Variants in RALB observed in about 807,000 individuals in gnomAD.
RALB encodes the protein RAS like proto-oncogene B, also known as ras-related protein Ral-B.
RALB carries 16 observed loss-of-function variants against 21.3 expected under a neutral mutation model. The observed-to-expected ratio is 0.75, with a 90% CI of 0.51 to 1.14. The LOEUF (loss-of-function observed/expected upper bound fraction) is 1.14, where lower values mean the gene tolerates loss of function less well. Among genes scored for constraint, RALB ranks in the 50% most tolerant of loss-of-function variants. The pLI, the probability that RALB is intolerant of heterozygous loss-of-function variation, is 0.00. For synonymous variants in RALB, 93 were observed against 96.1 expected, an observed-to-expected ratio of 0.97 and a Z score of 0.19; for missense variants, 161 against 256.2, an observed-to-expected ratio of 0.63 and a Z score of 2.54.
rs112006071 is a variant in RALB at position 120,268,401 on chromosome 2, A to T, written c.-47-10217A>T. Among the ~76,000 whole-genome samples the T allele has an allele frequency of 1.2e-4, 19 of 152,342 alleles. 1 individual carries two copies. The highest frequency in any genetic ancestry group is 4.3e-4 in the African/African-American group (18 of 41,578). ...TTTGTGGTATAAATTAATTTACCTT[A>T]CGTTTGTTTTTAGTGGAAATTTTCA... On this transcript the variant is annotated intron_variant, in intron 1 of 4. Coordinates refer to ENST00000272519, the MANE Select transcript of RALB (RefSeq NM_002881.3).
In RALB at chr2:120,293,246, T is replaced by G; in HGVS notation, c.607T>G (p.Cys203Gly). 6.2e-7 allele frequency: 1 copy of G among 1,612,910 alleles called. No homozygotes were observed. Among genetic ancestry groups the G allele is most frequent in the Non-Finnish European group, 8.5e-7 (1 of 1,179,324 alleles). The stretch of plus-strand genomic sequence containing the variant: ...GAACAAGAAAAGTTTTAAAGAAAGA[T>G]GTTGCTTACTATGAGTGTCAAGGTG... ...SKNKKSFKER[C>G]CLL The change falls in exon 5 of 5, where the codon TGT becomes GGT. Residue 203 changes from cysteine (C) to glycine (G), a missense_variant. Coordinates refer to ENST00000272519, the MANE Select transcript of RALB (RefSeq NM_002881.3).
At chr2:120,271,859 T>C (rs762853852) in intron 1 of RALB, among the ~76,000 whole-genome samples, 22 of 152,240 alleles carry the variant, frequency 1.4e-4, no homozygotes, top group Non-Finnish European at 2.8e-4. Context: ...TAGAAGTCTT[T>C]CATTGGGAAG....
intron 3 of RALB, among the ~76,000 whole-genome samples, chr2:120,289,090 G>C (rs1442988087): frequency 6.6e-6 from 1 of 152,132 alleles, no homozygotes; most frequent in Non-Finnish European, 1.5e-5. Context: ...TTGGTTTTGT[G>C]ATCCACTAAT....
chr2:120,241,854 A>G (rs904521541), intron 1 of RALB, among the ~76,000 whole-genome samples: 1 of 152,244 alleles, frequency 6.6e-6, no homozygotes, highest in Non-Finnish European at 1.5e-5. Context: ...ATGGAAAACA[A>G]TATGATGGTT....
Position 120,289,610 on chromosome 2 carries a change from A to C in RALB, c.354A>C (p.Glu118Asp), listed in dbSNP as rs1175533821. 6.2e-7 allele frequency: 1 copy of C among 1,614,158 alleles called. No individual in the cohort carries two copies. ...AGATTCTCCGTGTGAAGGCTGAAGA[A>C]GATAAAATTCCACTGCTCGTCGTGG... ...REQILRVKAE[E>D]DKIPLLVVGN... is the part of the protein sequence containing the mutation. Residue 118 changes from glutamate (E) to aspartate (D), a missense_variant, in exon 4 of 5, where the codon GAA becomes GAC. Coordinates refer to ENST00000272519, the MANE Select transcript of RALB (RefSeq NM_002881.3).
intron 1 of RALB, among the ~76,000 whole-genome samples, chr2:120,256,662 A>G (rs1297104334): frequency 1.3e-5 from 2 of 152,222 alleles, no homozygotes; most frequent in African/African-American, 4.8e-5. Context: ...CTGTGAGTCA[A>G]TTAAACCCCT....
chr2:120,250,868 C>T (rs1313215467), upstream of RALB, among the ~76,000 whole-genome samples: 1 of 152,202 alleles, frequency 6.6e-6, no homozygotes, highest in African/African-American at 2.4e-5. Context: ...CCTGCCACTC[C>T]TCTCTGAATA....
chr2:120,249,057 C>T (rs147445321), upstream of RALB, among the ~76,000 whole-genome samples: 6,627 of 142,634 alleles, frequency 0.046, 529 homozygotes, highest in African/African-American at 0.16. Flanking sequence ...TTTTTTAAGA[C>T]GGAGTCTTGC....
chr2:120,244,885 C>CTTCA (rs1422718793), intron 1 of RALB, among the ~76,000 whole-genome samples: 4 of 152,226 alleles, frequency 2.6e-5, no homozygotes, highest in Non-Finnish European at 5.9e-5. Context: ...CTGGAAGTAG[C>CTTCA]TTCAGGCTGT....
chr2:120,244,064 C>T (rs1226969736), intron 1 of RALB, among the ~76,000 whole-genome samples: 1 of 152,166 alleles, frequency 6.6e-6, no homozygotes, highest in African/African-American at 2.4e-5. Flanking sequence ...GAAGCAGGCA[C>T]ATCTTCACAT....
At chr2:120,240,885 C>T (rs1051096435) in intron 1 of RALB, among the ~76,000 whole-genome samples, 5 of 152,182 alleles carry the variant, frequency 3.3e-5, no homozygotes, top group East Asian at 1.9e-4. Context: ...TTTCAGGCTG[C>T]CACATACTCA....
chr2:120,241,137 C>T (rs1274684457), intron 1 of RALB, among the ~76,000 whole-genome samples: 6 of 152,200 alleles, frequency 3.9e-5, no homozygotes, highest in South Asian at 2.1e-4. Flanking sequence ...AAATCATGCA[C>T]CATGTGTCTG....
chr2:120,255,315 A>G (rs1689172793), intron 1 of RALB, among the ~76,000 whole-genome samples: 1 of 152,102 alleles, frequency 6.6e-6, no homozygotes. Context: ...GTTATCGCAA[A>G]GAGAGCCGAG....
chr2:120,277,596 GGAGT>G (rs1298494033), intron 1 of RALB, among the ~76,000 whole-genome samples: 1 of 152,006 alleles, frequency 6.6e-6, no homozygotes, highest in African/African-American at 2.4e-5. Flanking sequence ...GATAGTGTAT[GGAGT>G]GTGTGTTGTG....
chr2:120,280,862 C>A, intron 2 of RALB: 1 of 441,850 alleles, frequency 2.3e-6, no homozygotes, highest in Non-Finnish European at 4.5e-6. Flanking sequence ...TGGCATATGA[C>A]AAGAAAAAGT....
rs945256722 is a variant in RALB, at chr2:120,258,883, A to G, written c.-48+5903A>G. On this transcript the variant is annotated intron_variant, in intron 1 of 4. Transcript: ENST00000272519. ...CGCGGACCCTCGCGGTGAGTGTTACAGCTCTTAAGGTGGCACGTCTGGAGT... is the reference window on the plus strand; with the variant it reads ...CGCGGACCCTCGCGGTGAGTGTTACGGCTCTTAAGGTGGCACGTCTGGAGT... 1.5e-4 allele frequency among the ~76,000 whole-genome samples: 23 copies of G among 152,288 alleles called. No homozygotes were observed. In the East Asian group the frequency reaches 4.4e-3, roughly 29 times the overall value.
chr2:120,270,333 TTAAC>T (rs972666964), intron 1 of RALB, among the ~76,000 whole-genome samples: 4 of 152,256 alleles, frequency 2.6e-5, no homozygotes, highest in Admixed American at 2.6e-4. Context: ...AAGTTGAATT[TTAAC>T]TATACTGTTG....
At chr2:120,261,560 T>G (rs1361100269) in intron 1 of RALB, among the ~76,000 whole-genome samples, 1 of 152,070 alleles carries the variant, frequency 6.6e-6, no homozygotes, top group Non-Finnish European at 1.5e-5. Context: ...CATTCGTGGT[T>G]TGTGATCATA....
intron 1 of RALB, among the ~76,000 whole-genome samples, chr2:120,253,990 T>A (rs1689129228): frequency 6.6e-6 from 1 of 152,084 alleles, no homozygotes; most frequent in Non-Finnish European, 1.5e-5. Flanking sequence ...AGCCATAAGA[T>A]TGTTGGATGT....
Sources: allele counts gnomAD v4.1 joint callset (sites outside exome capture counted in the v4.1 genomes callset), GRCh38; gene constraint gnomAD v4.1.1; transcripts MANE v1.5; gene names NCBI Gene and HGNC (gene_info 2026-07-23, HGNC 2026-07-21).